The following MYOF variants were observed in gnomAD, a reference collection of about 807,000 sequenced individuals.
The protein encoded by MYOF is fer-1-like 3, myoferlin.
Under a neutral mutation model 284.2 loss-of-function variants are expected in MYOF, and 244 were observed. That is an observed-to-expected ratio of 0.86 (90% CI 0.77 to 0.95). The LOEUF (loss-of-function observed/expected upper bound fraction) is 0.95, where lower values mean the gene tolerates loss of function less well. Ranked by LOEUF, MYOF falls within the 40% of genes least tolerant of loss-of-function variation. The pLI, the probability that MYOF is intolerant of heterozygous loss-of-function variation, is 0.00. For missense variants in MYOF, 2,496 were observed against 2,560.6 expected (o/e 0.97, Z 0.54); for synonymous variants, 904 against 919.7 (o/e 0.98, Z 0.31).
At chr10:93,418,289 G>A (rs1229840643) in intron 5 of MYOF, among the ~76,000 whole-genome samples, 1 of 152,184 alleles carries the variant, frequency 6.6e-6, no homozygotes, top group Non-Finnish European at 1.5e-5. Context: ...TTTGAAGCAG[G>A]AAAACATGTA....
chr10:93,405,269 AAC>A (rs1213826718), intron 7 of MYOF, among the ~76,000 whole-genome samples: 4 of 152,212 alleles, frequency 2.6e-5, no homozygotes, highest in Non-Finnish European at 5.9e-5. Context: ...TTTAACATCT[AAC>A]AGAGTCAATT....
At chr10:93,440,618 T>C (rs1475028059) in intron 3 of MYOF, among the ~76,000 whole-genome samples, 1 of 152,204 alleles carries the variant, frequency 6.6e-6, no homozygotes, top group Non-Finnish European at 1.5e-5. Flanking sequence ...CCCCAGTGTC[T>C]AGAGCTGTGT....
intron 5 of MYOF, among the ~76,000 whole-genome samples, chr10:93,423,909 T>A (rs1848466351): frequency 6.7e-6 from 1 of 149,814 alleles, no homozygotes; most frequent in South Asian, 2.1e-4. Context: ...AGGAGCTATA[T>A]CCTAGAGGGG....
intron 21 of MYOF, among the ~76,000 whole-genome samples, chr10:93,379,566 TACCAGCCCTCCCCTCAGGCTGGA>T (rs1846014803): frequency 6.6e-6 from 1 of 152,140 alleles, no homozygotes; most frequent in Non-Finnish European, 1.5e-5. Context: ...CCCCACTGTT[TACCAGCCCTCCCCTCAGGCTGGA>T]GGGCAGATGT....
chr10:93,452,245 A>C (rs1180652761), intron 2 of MYOF, 104 bp from the exon 3 acceptor site: 1 of 767,030 alleles, frequency 1.3e-6, no homozygotes, highest in African/African-American at 1.8e-5. Flanking sequence ...CATTATTTTC[A>C]CCAATGACAA....
At chr10:93,444,977 C>G (rs930504609) in intron 3 of MYOF, among the ~76,000 whole-genome samples, 8 of 152,176 alleles carry the variant, frequency 5.3e-5, no homozygotes, top group African/African-American at 1.9e-4. Context: ...ATATCTGGTC[C>G]ATTGCAGAAT....
chr10:93,427,530 C>CAA (rs11293315), intron 4 of MYOF, among the ~76,000 whole-genome samples: 61 of 81,784 alleles, frequency 7.5e-4, no homozygotes, highest in African/African-American at 1.4e-3. Flanking sequence ...GACTCCGTCT[C>CAA]AAAAAAAAAA....
At chr10:93,445,063 T>C (rs2056390237) in intron 3 of MYOF, among the ~76,000 whole-genome samples, 1 of 152,210 alleles carries the variant, frequency 6.6e-6, no homozygotes, top group African/African-American at 2.4e-5. Context: ...TTATAAAAGG[T>C]AGCAATACAC....
intron 51 of MYOF, 146 bp from the exon 52 acceptor site, chr10:93,310,789 TC>T (rs1842349644): frequency 4.0e-6 from 3 of 757,972 alleles, no homozygotes; most frequent in Non-Finnish European, 6.3e-6. Flanking sequence ...AGAGATTTCA[TC>T]CCATTTCCTC....
At chr10:93,362,784 A>G (rs1485750430) in intron 27 of MYOF, among the ~76,000 whole-genome samples, 1 of 152,218 alleles carries the variant, frequency 6.6e-6, no homozygotes, top group Non-Finnish European at 1.5e-5. Context: ...TTCATGTGGC[A>G]AAGATTATAA....
rs200098833 is a variant in MYOF at position 93,400,311 on chromosome 10, TTTC to T, written c.1118-819_1118-817del. ...TAATTTACCTTATTTTATGTATTTCTTTCTTCTTCTTCTTCTTCTTTTTTTTTT... is the reference window on the plus strand; with the variant it reads ...TAATTTACCTTATTTTATGTATTTCTTTCTTCTTCTTCTTCTTTTTTTTTT... On this transcript the variant is annotated intron_variant, in intron 12 of 53. Coordinates refer to ENST00000359263, the MANE Select transcript of MYOF (RefSeq NM_013451.4). Among the ~76,000 whole-genome samples, 102 of 145,926 alleles carry T rather than the reference TTTC, an allele frequency of 7.0e-4. 1 individual carries two copies. The highest frequency in any genetic ancestry group is 1.9e-3 in the African/African-American group (76 of 40,072).
chr10:93,340,917 C>T (rs1420571306), intron 38 of MYOF, among the ~76,000 whole-genome samples: 1 of 152,096 alleles, frequency 6.6e-6, no homozygotes, highest in Non-Finnish European at 1.5e-5. Flanking sequence ...CTGCCTAGAC[C>T]CCTTTCTGAG....
At chr10:93,406,288 T>TTATACA (rs1554855589) in intron 7 of MYOF, among the ~76,000 whole-genome samples, 5 of 58,148 alleles carry the variant, frequency 8.6e-5, no homozygotes, top group Non-Finnish European at 1.3e-4. Flanking sequence ...TAAACCTCTT[T>TTATACA]TATATATATA....
At chr10:93,475,453 C>T (rs148456952) in intron 1 of MYOF, among the ~76,000 whole-genome samples, 150 of 152,320 alleles carry the variant, frequency 9.8e-4, no homozygotes, top group Non-Finnish European at 1.8e-3. Flanking sequence ...ACTGGTTGTA[C>T]TCAGGGTTCA....
chr10:93,401,076 G>A (rs1421818242), intron 12 of MYOF, among the ~76,000 whole-genome samples: 1 of 151,892 alleles, frequency 6.6e-6, no homozygotes, highest in Admixed American at 6.6e-5. Flanking sequence ...GATAATAACA[G>A]TTCACATTTT....
chr10:93,401,439 G>T lies in MYOF; in HGVS notation c.1096C>A (p.Arg366=), dbSNP rs199504349. ...ATACTCTGGGGGATGTCCTCAGCTC[G>T]GTAGATTTTCAGCAAGAAGGTCACC... The part of the protein sequence containing the change: ...RWVTFLLKIY[R]AEDIPQMDDA... Residue 366 remains arginine, a synonymous_variant, in exon 12 of 54, where the codon CGA becomes AGA. Coordinates refer to ENST00000359263, the MANE Select transcript of MYOF (RefSeq NM_013451.4). 1.9e-6 allele frequency: 3 copies of T among 1,614,114 alleles called. No individual in the cohort carries two copies. The highest frequency in any genetic ancestry group is 1.7e-6 in the Non-Finnish European group (2 of 1,180,014).
chr10:93,415,735 A>G (rs1435533556), intron 5 of MYOF, among the ~76,000 whole-genome samples: 1 of 152,190 alleles, frequency 6.6e-6, no homozygotes, highest in Non-Finnish European at 1.5e-5. Flanking sequence ...CCGCATTTGC[A>G]CAGATCCTAT....
rs555997982 is a variant in MYOF, at chr10:93,409,370, AC to A, written c.600+202del. On this transcript the variant is annotated intron_variant, in intron 6 of 53. Transcript: ENST00000359263. ...GAATTATAGTTTTATTTCTCTGGAG[AC>A]CATCAGCTGGCTAGACTAAACCCAC... Among the ~76,000 whole-genome samples the A allele has an allele frequency of 2.0e-3, 309 of 152,212 alleles. 1 individual carries two copies. The highest frequency in any genetic ancestry group is 7.2e-3 in the African/African-American group (297 of 41,536).
intron 53 of MYOF, 43 bp from the exon 54 acceptor site, chr10:93,307,044 T>C (rs1842132710): frequency 1.9e-6 from 3 of 1,543,170 alleles, no homozygotes; most frequent in African/African-American, 2.8e-5. Flanking sequence ...CATGTATGTA[T>C]ATATGTTTTT....
Sources: gnomAD v4.1 joint callset for allele counts (sites outside exome capture counted in the v4.1 genomes callset) on GRCh38, gnomAD v4.1.1 for gene constraint, MANE v1.5 for transcripts, NCBI Gene and HGNC (gene_info 2026-07-23, HGNC 2026-07-21) for gene names.